Variants in CUL3 observed in about 807,000 individuals in gnomAD.
CUL3 encodes the protein cullin-3.
In CUL3, 19 loss-of-function variants were observed where a neutral mutation model predicts 89.1. That is an observed-to-expected ratio of 0.21 (90% confidence interval 0.15 to 0.31). The LOEUF (loss-of-function observed/expected upper bound fraction) is 0.31. CUL3 is among the 10% of genes least tolerant of loss of function. CUL3 has a pLI of 1.00. For synonymous variants in CUL3, 351 were observed against 308.4 expected, an observed-to-expected ratio of 1.14 and a Z score of -1.45; for missense variants, 469 against 942.3, an observed-to-expected ratio of 0.50 and a Z score of 6.58.
chr2:224,517,997 A>G (rs1249356220), intron 3 of CUL3, among the ~76,000 whole-genome samples: 1 of 152,198 alleles, frequency 6.6e-6, no homozygotes, highest in Non-Finnish European at 1.5e-5. Context: ...ATTCGAATAC[A>G]CAGGTTTGAA....
chr2:224,557,371 T>A (rs1186938217), intron 2 of CUL3, among the ~76,000 whole-genome samples: 2 of 151,910 alleles, frequency 1.3e-5, no homozygotes, highest in Non-Finnish European at 2.9e-5. Context: ...AGGAAAAAAA[T>A]TCCTTGTAAT....
intron 2 of CUL3, among the ~76,000 whole-genome samples, chr2:224,553,348 C>T (rs949729676): frequency 2.6e-5 from 4 of 151,762 alleles, no homozygotes; most frequent in Non-Finnish European, 5.9e-5. Flanking sequence ...GTCAAATGAG[C>T]GTGAAAGAAA....
chr2:224,490,905 C>T (rs1691947041), intron 13 of CUL3, among the ~76,000 whole-genome samples: 1 of 151,986 alleles, frequency 6.6e-6, no homozygotes, highest in Admixed American at 6.5e-5. Context: ...CCCCATTTAC[C>T]CTGATGTGAT....
chr2:224,565,253 G>T (rs538864382), intron 1 of CUL3, among the ~76,000 whole-genome samples: 3 of 152,274 alleles, frequency 2.0e-5, no homozygotes, highest in East Asian at 1.9e-4. Flanking sequence ...TAAGAACATT[G>T]TAAGAAAAAG....
chr2:224,550,898 A>G (rs1452714277), intron 2 of CUL3, among the ~76,000 whole-genome samples: 1 of 152,080 alleles, frequency 6.6e-6, no homozygotes, highest in Non-Finnish European at 1.5e-5. Flanking sequence ...CATATAATTA[A>G]TTACAAAGCC....
intron 2 of CUL3, among the ~76,000 whole-genome samples, chr2:224,555,893 C>G (rs111382814): frequency 1.3e-5 from 2 of 152,172 alleles, no homozygotes; most frequent in African/African-American, 4.8e-5. Flanking sequence ...ATGCCTCACA[C>G]GGTTATCTAA....
At chr2:224,553,117 T>C (rs1370275101) in intron 2 of CUL3, among the ~76,000 whole-genome samples, 2 of 152,210 alleles carry the variant, frequency 1.3e-5, no homozygotes, top group Non-Finnish European at 2.9e-5. Flanking sequence ...GAAACAAACA[T>C]GTCAGATGGT....
intron 13 of CUL3, among the ~76,000 whole-genome samples, chr2:224,483,471 A>G (rs769318724): frequency 2.6e-5 from 4 of 152,176 alleles, no homozygotes; most frequent in Non-Finnish European, 5.9e-5. Context: ...ACATCTTTCT[A>G]TTAGAGTTAG....
chr2:224,579,133 T>C (rs1217290361), intron 1 of CUL3, among the ~76,000 whole-genome samples: 1 of 152,204 alleles, frequency 6.6e-6, no homozygotes, highest in Non-Finnish European at 1.5e-5. Flanking sequence ...ACAAAATAAA[T>C]ACTTTGTTAA....
intron 2 of CUL3, among the ~76,000 whole-genome samples, chr2:224,538,040 T>C (rs1291088027): frequency 1.3e-5 from 2 of 152,242 alleles, no homozygotes; most frequent in African/African-American, 4.8e-5. Flanking sequence ...TGTGTCATAA[T>C]TGCCTTGTTT....
chr2:224,519,366 C>T (rs1277121729), intron 3 of CUL3, among the ~76,000 whole-genome samples: 1 of 152,126 alleles, frequency 6.6e-6, no homozygotes, highest in Non-Finnish European at 1.5e-5. Flanking sequence ...CTTATGGTCA[C>T]AAGCATTTCG....
At chr2:224,544,599 T>A (rs1694234721) in intron 2 of CUL3, among the ~76,000 whole-genome samples, 1 of 151,858 alleles carries the variant, frequency 6.6e-6, no homozygotes, top group Admixed American at 6.6e-5. Context: ...TAATCACATG[T>A]GGTCTAGGGG....
intron 13 of CUL3, among the ~76,000 whole-genome samples, chr2:224,482,989 T>G (rs1691586825): frequency 6.6e-6 from 1 of 152,102 alleles, no homozygotes; most frequent in South Asian, 2.1e-4. Context: ...TCAGTCATTC[T>G]CTCTAGACAA....
intron 15 of CUL3, among the ~76,000 whole-genome samples, chr2:224,476,296 C>T (rs1394932136): frequency 2.0e-5 from 3 of 152,066 alleles, no homozygotes; most frequent in South Asian, 2.1e-4. Context: ...GGATTACAGG[C>T]GTGAGCCACC....
At chr2:224,555,106 A>C (rs542373365) in intron 2 of CUL3, among the ~76,000 whole-genome samples, 3 of 152,264 alleles carry the variant, frequency 2.0e-5, no homozygotes, top group East Asian at 3.9e-4. Context: ...CAAACATACG[A>C]TATCTCTACT....
intron 3 of CUL3, among the ~76,000 whole-genome samples, chr2:224,529,088 C>T (rs1237801317): frequency 3.3e-5 from 5 of 152,014 alleles, no homozygotes; most frequent in Non-Finnish European, 5.9e-5. Context: ...CTATAATTTT[C>T]CCTTAACATT....
intron 2 of CUL3, among the ~76,000 whole-genome samples, chr2:224,546,546 A>C (rs550040438): frequency 7.2e-5 from 11 of 152,144 alleles, no homozygotes; most frequent in Non-Finnish European, 1.5e-4. Flanking sequence ...GATTCATTTC[A>C]ACAGACAACT....
intron 1 of CUL3, among the ~76,000 whole-genome samples, chr2:224,560,028 A>G (rs550891207): frequency 1.3e-5 from 2 of 152,304 alleles, no homozygotes; most frequent in Admixed American, 1.3e-4. Context: ...GGCTGCAGTG[A>G]GTGGAGACTG....
chr2:224,579,135 C>T (rs962448237), intron 1 of CUL3, among the ~76,000 whole-genome samples: 3 of 152,108 alleles, frequency 2.0e-5, no homozygotes, highest in African/African-American at 7.2e-5. Context: ...AAAATAAATA[C>T]TTTGTTAATA....
Sources: allele counts gnomAD v4.1 joint callset (sites outside exome capture counted in the v4.1 genomes callset), GRCh38; gene constraint gnomAD v4.1.1; transcripts MANE v1.5; gene names NCBI Gene and HGNC (gene_info 2026-07-23, HGNC 2026-07-21).